The following DOK7 variants were observed in gnomAD, a reference collection of about 807,000 sequenced individuals.
DOK7 encodes the protein protein Dok-7.
Under a neutral mutation model 30.7 loss-of-function variants are expected in DOK7, and 32 were observed. The observed-to-expected ratio is 1.04, with a 90% CI of 0.79 to 1.40. The LOEUF (loss-of-function observed/expected upper bound fraction) is 1.40. DOK7 is among the 40% of genes most tolerant of loss of function. DOK7 has a pLI of 0.00. For missense variants in DOK7, 1,007 were observed against 699.2 expected (o/e 1.44, Z -4.97); for synonymous variants, 447 against 324.1 (o/e 1.38, Z -4.07).
intron 2 of DOK7, 76 bp from the exon 3 acceptor site, chr4:3,473,330 C>A: frequency 2.0e-6 from 3 of 1,478,700 alleles, no homozygotes; most frequent in Non-Finnish European, 2.8e-6. Flanking sequence ...TCTGCACTGT[C>A]ACGGCCTCCC....
chr4:3,500,973 G>A (rs1168849544), exon 8 of DOK7: 2 of 1,302,182 alleles, frequency 1.5e-6, no homozygotes, highest in Non-Finnish European at 2.0e-6. Flanking sequence ...GGGCCATGGT[G>A]CAAACAGGAA....
rs145037416 is a variant in DOK7, at chr4:3,493,587, TGGTGCTC to T, written c.*87_*93del. The T allele has an allele frequency of 1.5e-4, 229 of 1,551,394 alleles. 1 individual carries two copies. The East Asian group carries it at 5.1e-3, about 34-fold the overall frequency. On this transcript the variant is annotated 3_prime_UTR_variant, in exon 7 of 7. Coordinates refer to ENST00000340083, the MANE Select transcript of DOK7 (RefSeq NM_173660.5). ...AAGTGGCGCCAGCCTCCTTGCAGAC[TGGTGCTC>T]TGTGTTCTGTGGGAGGGACCGGGGG...
Position 3,493,077 on chromosome 4 carries a change from G to T in DOK7, c.1091G>T (p.Arg364Leu), listed in dbSNP as rs201304841. The change falls in exon 7 of 7, where the codon CGG becomes CTG. Residue 364 changes from arginine (R) to leucine (L), a missense_variant. By Grantham distance (102) the Arg-to-Leu change is moderately radical. Coordinates refer to ENST00000340083, the MANE Select transcript of DOK7 (RefSeq NM_173660.5). The stretch of plus-strand genomic sequence containing the variant: ...GCGGGCAGCAGCCTGGACGTGTGGC[G>T]GGCCACAGATGAACTGGGCTCACTG... Reference protein sequence around the residue: ...SYAGSSLDVWRATDELGSLLS... With the variant: ...SYAGSSLDVWLATDELGSLLS... 3 of 1,576,116 alleles carry T rather than the reference G, an allele frequency of 1.9e-6. No individual in the cohort carries two copies. The highest frequency in any genetic ancestry group is 4.6e-5 in the East Asian group (2 of 43,042).
chr4:3,490,302 G>GCCCCC (rs149731759), intron 6 of DOK7, among the ~76,000 whole-genome samples: 1 of 50,678 alleles, frequency 2.0e-5, no homozygotes, highest in African/African-American at 8.6e-5. Flanking sequence ...TTCTTCCTCC[G>GCCCCC]CCCCCCCGGC....
downstream of DOK7, chr4:3,496,824 C>T (rs543548330): frequency 5.6e-5 from 86 of 1,535,646 alleles, no homozygotes; most frequent in African/African-American, 9.3e-4. Flanking sequence ...GTCTAGGGAG[C>T]GGCAGCCTCA....
chr4:3,489,526 T>C, intron 5 of DOK7, 151 bp from the exon 6 acceptor site: 8 of 1,306,628 alleles, frequency 6.1e-6, no homozygotes, highest in Non-Finnish European at 8.5e-6. Context: ...AGGGCCAGCC[T>C]CTGGGATGAG....
At position 3,493,143 on chromosome 4, in the gene DOK7, G is replaced by A; in HGVS notation, c.1157G>A (p.Cys386Tyr). Residue 386 changes from cysteine (C) to tyrosine (Y), a missense_variant, in exon 7 of 7, where the codon TGC becomes TAC. Physicochemically the swap from Cys to Tyr is radical, Grantham distance 194. Transcript: ENST00000340083. The stretch of plus-strand genomic sequence containing the variant: ...GCGGGGGCCCCCGAGCCCAGCCTGT[G>A]CACCTGCCTGCCCGGGACAGTCGAG... Reference protein sequence around the residue: ...PAAGAPEPSLCTCLPGTVEYQ... With the variant: ...PAAGAPEPSLYTCLPGTVEYQ... 1 of 1,601,898 alleles carries A rather than the reference G, an allele frequency of 6.2e-7. No homozygotes were observed. Among genetic ancestry groups the A allele is most frequent in the Non-Finnish European group, 8.5e-7 (1 of 1,176,152 alleles).
chr4:3,493,851 G>C lies in DOK7; in HGVS notation c.*350G>C. The C allele has an allele frequency of 8.5e-7, 1 of 1,175,414 alleles. No individual in the cohort carries two copies. Among genetic ancestry groups the C allele is most frequent in the Non-Finnish European group, 1.1e-6 (1 of 949,756 alleles). The allele number at this position is 1,175,414 out of a possible 1,614,324, so 72.8% of individuals were successfully genotyped here. A position where few individuals can be genotyped will look rare whatever the true frequency, so the allele number is the denominator to read the frequency against. ...TGGGGTGCCAAGGGCTGGAGGCCCT[G>C]CCGCTGGCCTTGTCCTCCTTGGGCC... On this transcript the variant is annotated 3_prime_UTR_variant, in exon 7 of 7. Transcript: ENST00000340083.
At chr4:3,465,105 G>A (rs1047473144) in intron 2 of DOK7, among the ~76,000 whole-genome samples, 1 of 152,178 alleles carries the variant, frequency 6.6e-6, no homozygotes, top group African/African-American at 2.4e-5. Context: ...ACTGGCCTGG[G>A]ACCCATTGCT....
chr4:3,499,009 G>C (rs1729061185), downstream of DOK7, among the ~76,000 whole-genome samples: 1 of 152,210 alleles, frequency 6.6e-6, no homozygotes, highest in Non-Finnish European at 1.5e-5. Flanking sequence ...GCAAGCAAGT[G>C]AAAGTTCCTC....
At chr4:3,464,787 C>T (rs10027913) in intron 2 of DOK7, among the ~76,000 whole-genome samples, 2 of 152,102 alleles carry the variant, frequency 1.3e-5, no homozygotes, top group Non-Finnish European at 2.9e-5. Context: ...TTTCTTTCTG[C>T]ATCAGACAGT....
intron 2 of DOK7, among the ~76,000 whole-genome samples, chr4:3,468,748 G>T (rs199882214): frequency 2.6e-5 from 3 of 116,572 alleles, no homozygotes; most frequent in African/African-American, 1.1e-4. Flanking sequence ...CTGTGTATGT[G>T]TCTGTGTGCG....
intron 6 of DOK7, among the ~76,000 whole-genome samples, chr4:3,490,343 CCTTTTCCCCACACTCATTCAT>C (rs1728199201): frequency 8.3e-6 from 1 of 120,784 alleles, no homozygotes; most frequent in Non-Finnish European, 1.7e-5. Context: ...TTCATTCCTT[CCTTTTCCCCACACTCATTCAT>C]TCCTTCCTTC....
chr4:3,476,028 C>T (rs1039627041), intron 3 of DOK7, among the ~76,000 whole-genome samples: 29 of 151,974 alleles, frequency 1.9e-4, no homozygotes, highest in Admixed American at 1.8e-3. Context: ...GACACCTGGG[C>T]GGCTGCCCCC....
chr4:3,468,935 GCT>G (rs1359724307), intron 2 of DOK7, among the ~76,000 whole-genome samples: 4 of 140,888 alleles, frequency 2.8e-5, no homozygotes, highest in Non-Finnish European at 4.5e-5. Context: ...GAGTGTGCGT[GCT>G]TTTGTGCACG....
Position 3,493,343 on chromosome 4 carries a change from G to T in DOK7, c.1357G>T (p.Gly453Cys). 6.3e-7 allele frequency: 1 copy of T among 1,599,626 alleles called. No homozygotes were observed. The highest frequency in any genetic ancestry group is 8.5e-7 in the Non-Finnish European group (1 of 1,173,496). ...TGGCTGGCTGGGCACGAGACGGCGG[G>T]GCCTGGTGATGGAGGCCCCCCAGGG... Reference protein sequence around the residue: ...PSGWLGTRRRGLVMEAPQGSE... With the variant: ...PSGWLGTRRRCLVMEAPQGSE... The change falls in exon 7 of 7, where the codon GGC (glycine) becomes TGC (cysteine). Residue 453 changes from glycine to cysteine, a missense_variant. By Grantham distance (159) the Gly-to-Cys change is radical (BLOSUM62 -3). Coordinates refer to ENST00000340083, the MANE Select transcript of DOK7 (RefSeq NM_173660.5).
At chr4:3,495,573 C>A (rs1412666224), downstream of DOK7, among the ~76,000 whole-genome samples, 1 of 152,264 alleles carries the variant, frequency 6.6e-6, no homozygotes, top group Non-Finnish European at 1.5e-5. Flanking sequence ...GTTCCGGCCA[C>A]CGCCTGCTAC....
At position 3,463,374 on chromosome 4, in the gene DOK7, A is replaced by G. The variant is rs1236240245; in HGVS notation, c.-2A>G. 5 of 1,488,646 alleles carry G rather than the reference A, an allele frequency of 3.4e-6. No homozygotes were observed. The Admixed American group carries it at 9.8e-5, about 29-fold the overall frequency. The allele number at this position is 1,488,646 out of a possible 1,614,324, so 92.2% of individuals were successfully genotyped here. ...CGCGGCGGCGCGGAACCATGACAGA[A>G]GATGACCGAGGCGGCGCTGGTGGAG... is the stretch of plus-strand genomic sequence containing the variant. On this transcript the variant is annotated 5_prime_UTR_variant, in exon 1 of 7. Coordinates refer to ENST00000340083, the MANE Select transcript of DOK7 (RefSeq NM_173660.5).
At chr4:3,495,540 G>A (rs888156849), downstream of DOK7, among the ~76,000 whole-genome samples, 1 of 152,240 alleles carries the variant, frequency 6.6e-6, no homozygotes, top group African/African-American at 2.4e-5. Flanking sequence ...CTCGTGAGTG[G>A]GCCTCGCTCC....
Sources: gnomAD v4.1 joint callset for allele counts (sites outside exome capture counted in the v4.1 genomes callset) on GRCh38, gnomAD v4.1.1 for gene constraint, MANE v1.5 for transcripts, NCBI Gene and HGNC (gene_info 2026-07-23, HGNC 2026-07-21) for gene names.